PCDH15: variants seen among roughly 807,000 people sequenced by gnomAD.
PCDH15 encodes the protein protocadherin related 15.
Under a neutral mutation model 178.5 loss-of-function variants are expected in PCDH15, and 129 were observed. That is an observed-to-expected ratio of 0.72 (90% CI 0.63 to 0.84). The LOEUF is 0.84. PCDH15 is among the 40% of genes least tolerant of loss of function. The pLI, the probability that PCDH15 is intolerant of heterozygous loss-of-function variation, is 0.00. For missense variants in PCDH15, 2,230 were observed against 2,099.9 expected, an observed-to-expected ratio of 1.06 and a Z score of -1.21; for synonymous variants, 800 against 732.0, an observed-to-expected ratio of 1.09 and a Z score of -1.50.
At chr10:55,091,410 C>A (rs930148659) in intron 2 of PCDH15, among the ~76,000 whole-genome samples, 7 of 151,766 alleles carry the variant, frequency 4.6e-5, no homozygotes, top group African/African-American at 1.5e-4. Flanking sequence ...TTTCCCATAC[C>A]AGGAGTCTTA....
chr10:54,088,387 G>T (rs1011989895), intron 16 of PCDH15, among the ~76,000 whole-genome samples: 4 of 151,828 alleles, frequency 2.6e-5, no homozygotes, highest in African/African-American at 9.7e-5. Flanking sequence ...CAAATATTTT[G>T]CCCATTTTAA....
chr10:54,264,077 G>C (rs1336406933), intron 8 of PCDH15, among the ~76,000 whole-genome samples: 1 of 152,070 alleles, frequency 6.6e-6, no homozygotes, highest in Non-Finnish European at 1.5e-5. Flanking sequence ...CAGACTGAAG[G>C]CTGCACATCA....
chr10:54,255,973 A>T (rs1196199600), intron 8 of PCDH15, among the ~76,000 whole-genome samples: 1 of 152,138 alleles, frequency 6.6e-6, no homozygotes, highest in East Asian at 1.9e-4. Context: ...TCCTTATATG[A>T]AATAAACATC....
At chr10:54,918,093 C>G (rs1837389367) in intron 2 of PCDH15, among the ~76,000 whole-genome samples, 1 of 150,750 alleles carries the variant, frequency 6.6e-6, no homozygotes, top group African/African-American at 2.5e-5. Context: ...ATAACCCAAA[C>G]AATAGCTATG....
chr10:53,900,617 G>A (rs1218429840), intron 26 of PCDH15, among the ~76,000 whole-genome samples: 1 of 152,032 alleles, frequency 6.6e-6, no homozygotes, highest in Non-Finnish European at 1.5e-5. Flanking sequence ...TCCCCTAAAT[G>A]TTCAACTTTC....
chr10:54,315,976 T>G (rs2061242238), intron 8 of PCDH15, among the ~76,000 whole-genome samples: 2 of 85,636 alleles, frequency 2.3e-5, no homozygotes, highest in Admixed American at 1.2e-4. Flanking sequence ...TTTTTGGGTT[T>G]TGTTTTTTTT....
chr10:54,452,183 G>T (rs1315642581), intron 3 of PCDH15, among the ~76,000 whole-genome samples: 1 of 151,958 alleles, frequency 6.6e-6, no homozygotes, highest in Non-Finnish European at 1.5e-5. Flanking sequence ...GGGAGGAGGT[G>T]CTTAGGGCAT....
chr10:55,520,158 T>C (rs1181513850), intron 2 of PCDH15, among the ~76,000 whole-genome samples: 1 of 94,570 alleles, frequency 1.1e-5, no homozygotes, highest in Admixed American at 1.2e-4. Flanking sequence ...ATACACGCAA[T>C]GTGTATATAT....
chr10:54,854,012 G>C (rs1011510446), intron 3 of PCDH15, among the ~76,000 whole-genome samples: 1 of 152,168 alleles, frequency 6.6e-6, no homozygotes, highest in Non-Finnish European at 1.5e-5. Flanking sequence ...TGGGTCCCAT[G>C]CCTGCCAAAG....
intron 23 of PCDH15, among the ~76,000 whole-genome samples, chr10:53,948,971 A>G (rs190219827): frequency 6.6e-6 from 1 of 152,342 alleles, no homozygotes; most frequent in East Asian, 1.9e-4. Context: ...GATACAATAC[A>G]ATGAAATAAT....
rs2132211008 is a variant in PCDH15, at chr10:55,240,573, A to G, written c.-155-73922T>C. On this transcript the variant is annotated intron_variant, in intron 1 of 5. Transcript: ENST00000458638. ...TTAGATGATTTCTAAAGACCTATCA[A>G]TACAATAGATGTAAAATAAATAGTT... Among the ~76,000 whole-genome samples, 4 of 152,316 alleles carry G rather than the reference A, an allele frequency of 2.6e-5. No individual in the cohort carries two copies. The South Asian group carries it at 8.3e-4, about 32-fold the overall frequency.
At chr10:55,247,485 T>G (rs1339202840) in intron 1 of PCDH15, among the ~76,000 whole-genome samples, 1 of 152,314 alleles carries the variant, frequency 6.6e-6, no homozygotes, top group African/African-American at 2.4e-5. Flanking sequence ...ATGTTATTTT[T>G]TGGGCTGGAG....
chr10:53,811,018 C>T (rs188363752), intron 36 of PCDH15, among the ~76,000 whole-genome samples: 5 of 152,326 alleles, frequency 3.3e-5, no homozygotes, highest in Admixed American at 2.6e-4. Context: ...TCATTCACCA[C>T]ATTAAATCTG....
intron 26 of PCDH15, among the ~76,000 whole-genome samples, chr10:53,884,037 C>CAAAA (rs1394108678): frequency 2.0e-5 from 3 of 150,808 alleles, no homozygotes; most frequent in Non-Finnish European, 3.0e-5. Flanking sequence ...AAAAACAAAA[C>CAAAA]AAAACAAAAC....
intron 2 of PCDH15, among the ~76,000 whole-genome samples, chr10:55,472,389 T>C (rs1441220095): frequency 6.6e-6 from 1 of 152,052 alleles, no homozygotes; most frequent in East Asian, 1.9e-4. Flanking sequence ...TAGTTTTTAA[T>C]TTCAATTTTC....
At chr10:54,375,764 A>C (rs1344858261) in intron 4 of PCDH15, among the ~76,000 whole-genome samples, 1 of 138,686 alleles carries the variant, frequency 7.2e-6, no homozygotes, top group African/African-American at 2.9e-5. Flanking sequence ...TGATATTCAG[A>C]GCATATATAT....
chr10:54,139,251 C>T (rs11004092), intron 14 of PCDH15, among the ~76,000 whole-genome samples: 2,353 of 151,638 alleles, frequency 0.016, 77 homozygotes, highest in African/African-American at 0.054. Context: ...CAAAAATACC[C>T]ATATCTTTAA....
chr10:54,177,816 T>C (rs966842215), intron 13 of PCDH15, among the ~76,000 whole-genome samples: 10 of 152,084 alleles, frequency 6.6e-5, no homozygotes, highest in African/African-American at 2.4e-4. Flanking sequence ...TGTCTGTGTT[T>C]GTTTATTAAA....
At chr10:54,718,684 CTTTTTT>C (rs71461255) in intron 1 of PCDH15, among the ~76,000 whole-genome samples, 1 of 111,520 alleles carries the variant, frequency 9.0e-6, no homozygotes, top group Non-Finnish European at 1.8e-5. Context: ...CACACTGATT[CTTTTTT>C]TTTTTTTTTT....
Sources: allele counts gnomAD v4.1 joint callset (sites outside exome capture counted in the v4.1 genomes callset), GRCh38; gene constraint gnomAD v4.1.1; transcripts MANE v1.5; gene names NCBI Gene and HGNC (gene_info 2026-07-23, HGNC 2026-07-21).